FRMPD1: variants seen among roughly 807,000 people sequenced by gnomAD.
The protein encoded by FRMPD1 is FERM and PDZ domain-containing protein 1.
FRMPD1 carries 76 observed loss-of-function variants against 117.8 expected under a neutral mutation model. That is an observed-to-expected ratio of 0.65 (90% confidence interval 0.54 to 0.78). The LOEUF (loss-of-function observed/expected upper bound fraction) is 0.78. FRMPD1 is among the 30% of genes least tolerant of loss of function. The pLI is 0.00. For missense variants in FRMPD1, 1,786 were observed against 1,964.5 expected, an observed-to-expected ratio of 0.91 and a Z score of 1.72; for synonymous variants, 783 against 770.4, an observed-to-expected ratio of 1.02 and a Z score of -0.27.
chr9:37,629,292 T>C, the FRMPD1 span, among the ~76,000 whole-genome samples: 1 of 152,202 alleles, frequency 6.6e-6, no homozygotes, highest in Non-Finnish European at 1.5e-5. Context: ...CTGATGCACA[T>C]TCGAGTTTGA....
At chr9:37,713,114 C>G in intron 5 of FRMPD1, among the ~76,000 whole-genome samples, 1 of 152,066 alleles carries the variant, frequency 6.6e-6, no homozygotes, top group East Asian at 1.9e-4. Context: ...TCTTACGGGA[C>G]TTTCATTTGG....
the FRMPD1 span, among the ~76,000 whole-genome samples, chr9:37,622,201 T>C: frequency 6.6e-6 from 1 of 152,238 alleles, no homozygotes; most frequent in African/African-American, 2.4e-5. Flanking sequence ...CCCTGAGCTC[T>C]GGGCACATGG....
At position 37,746,431 on chromosome 9, in the gene FRMPD1, C is replaced by T. The variant is rs758777782; in HGVS notation, c.4399C>T (p.Gln1467Ter). The T allele has an allele frequency of 2.5e-6, 4 of 1,613,542 alleles. No individual in the cohort carries two copies. Among genetic ancestry groups the T allele is most frequent in the Non-Finnish European group, 1.7e-6 (2 of 1,180,022 alleles). The change falls in exon 16 of 16, where the codon CAG becomes TAG. Residue 1467 changes from glutamine to a stop codon, truncating the protein, a stop_gained. Coordinates refer to ENST00000377765, the MANE Select transcript of FRMPD1 (RefSeq NM_014907.3). LOFTEE classifies it high-confidence loss of function. ...ESRSRLCMGS[Q>*]KLLSSCRHVI... The stretch of plus-strand genomic sequence containing the variant: ...CCGGAGCCGCCTCTGCATGGGCTCC[C>T]AGAAGCTCCTGTCGAGCTGTCGGCA...
intron 4 of FRMPD1, among the ~76,000 whole-genome samples, 187 bp from the exon 5 acceptor site, chr9:37,711,163 G>A (rs1822894737): frequency 6.6e-6 from 1 of 152,016 alleles, no homozygotes; most frequent in Non-Finnish European, 1.5e-5. Context: ...TCCTTTGCAG[G>A]TTGCTGCATT....
rs374743269 is a variant in FRMPD1 at position 37,746,286 on chromosome 9, C to T, written c.4254C>T (p.Thr1418=). 4.3e-6 allele frequency: 7 copies of T among 1,612,656 alleles called. No individual in the cohort carries two copies. The African/African-American group carries it at 9.3e-5, about 22-fold the overall frequency. The part of the protein sequence containing the change: ...LRQLKATPAS[T]PEGFIQLMES... ...AGCTGAAAGCCACCCCTGCCAGCAC[C>T]CCTGAGGGCTTCATCCAACTCATGG... Residue 1418 remains threonine (T), a synonymous_variant, in exon 16 of 16, where the codon ACC becomes ACT. Coordinates refer to ENST00000377765, the MANE Select transcript of FRMPD1 (RefSeq NM_014907.3).
At chr9:37,656,343 C>G (rs1820844073) in intron 1 of FRMPD1, among the ~76,000 whole-genome samples, 1 of 152,174 alleles carries the variant, frequency 6.6e-6, no homozygotes, top group Admixed American at 6.5e-5. Flanking sequence ...GATGCAACCT[C>G]TAAGATGAGT....
chr9:37,638,010 TTCTTTC>T, the FRMPD1 span, among the ~76,000 whole-genome samples: 11 of 124,324 alleles, frequency 8.8e-5, 1 homozygote, highest in African/African-American at 3.2e-4. Context: ...CTTTCTTTCT[TTCTTTC>T]TTTCTTTCTC....
At position 37,709,020 on chromosome 9, in the gene FRMPD1, G is replaced by A. The variant is rs72724132; in HGVS notation, c.362+519G>A. The stretch of plus-strand genomic sequence containing the variant: ...TCATTGTGACTTATGAAAATGCCTC[G>A]CTTTTTACCTAGACAATGATTTCCT... On this transcript the variant is annotated intron_variant, in intron 4 of 15. Coordinates refer to ENST00000377765, the MANE Select transcript of FRMPD1 (RefSeq NM_014907.3). Among the ~76,000 whole-genome samples the A allele has an allele frequency of 9.2e-3, 1,401 of 152,166 alleles. 10 individuals carry two copies. Among genetic ancestry groups the A allele is most frequent in the Non-Finnish European group, 0.015 (1,024 of 67,994 alleles).
intron 5 of FRMPD1, among the ~76,000 whole-genome samples, chr9:37,716,474 A>C (rs1256912106): frequency 6.6e-6 from 1 of 152,166 alleles, no homozygotes; most frequent in East Asian, 1.9e-4. Flanking sequence ...CCTGTCAGGG[A>C]ACCTCCTCTT....
chr9:37,735,286 G>A (rs1188763590), intron 12 of FRMPD1, among the ~76,000 whole-genome samples: 1 of 152,194 alleles, frequency 6.6e-6, no homozygotes, highest in Admixed American at 6.5e-5. Context: ...GATTCAAAGA[G>A]CAGGAAGATA....
At chr9:37,693,170 C>CA (rs1822207826) in intron 2 of FRMPD1, 1 of 160,082 alleles carries the variant, frequency 6.2e-6, no homozygotes, top group Non-Finnish European at 1.4e-5. Context: ...ACATGAAGGT[C>CA]AGGTAATCTG....
intron 12 of FRMPD1, among the ~76,000 whole-genome samples, 189 bp from the exon 13 acceptor site, chr9:37,735,363 T>C (rs1424918456): frequency 6.6e-6 from 1 of 152,210 alleles, no homozygotes; most frequent in Non-Finnish European, 1.5e-5. Flanking sequence ...GAAAGAGTTT[T>C]GGGGAAATAA....
intron 14 of FRMPD1, among the ~76,000 whole-genome samples, chr9:37,737,931 C>T (rs1824211014): frequency 1.3e-5 from 2 of 151,838 alleles, no homozygotes; most frequent in Non-Finnish European, 2.9e-5. Context: ...TACCTATGCA[C>T]TCTTTTGCAA....
At chr9:37,708,848 C>T (rs1822808299) in intron 4 of FRMPD1, among the ~76,000 whole-genome samples, 1 of 152,226 alleles carries the variant, frequency 6.6e-6, no homozygotes, top group Admixed American at 6.5e-5. Context: ...CACGTTGTAA[C>T]ATATGCCAAA....
At chr9:37,639,127 C>T in the FRMPD1 span, among the ~76,000 whole-genome samples, 4 of 152,128 alleles carry the variant, frequency 2.6e-5, no homozygotes, top group African/African-American at 9.7e-5. Context: ...TTTAAAATAA[C>T]CACGGTAAGT....
chr9:37,722,929 C>G (rs1823461815), intron 6 of FRMPD1, among the ~76,000 whole-genome samples: 1 of 152,132 alleles, frequency 6.6e-6, no homozygotes, highest in African/African-American at 2.4e-5. Context: ...GGGAGATTCT[C>G]CAAAACCCTC....
intron 2 of FRMPD1, among the ~76,000 whole-genome samples, chr9:37,696,255 C>G (rs1445436249): frequency 5.9e-5 from 9 of 151,840 alleles, no homozygotes; most frequent in African/African-American, 2.2e-4. Context: ...GGAGTCCATT[C>G]TCTTGCTTGT....
intron 6 of FRMPD1, among the ~76,000 whole-genome samples, chr9:37,720,637 C>T (rs910676995): frequency 2.0e-5 from 3 of 150,082 alleles, no homozygotes; most frequent in East Asian, 2.0e-4. Flanking sequence ...CCACTGCACT[C>T]GAGCCTGGGC....
intron 7 of FRMPD1, among the ~76,000 whole-genome samples, chr9:37,726,335 T>C (rs1386228512): frequency 1.3e-5 from 2 of 152,244 alleles, no homozygotes; most frequent in African/African-American, 2.4e-5. Context: ...ATATGTCATT[T>C]GACCCAGTAA....
Sources: gnomAD v4.1 joint callset for allele counts (sites outside exome capture counted in the v4.1 genomes callset) on GRCh38, gnomAD v4.1.1 for gene constraint, MANE v1.5 for transcripts, NCBI Gene and HGNC (gene_info 2026-07-23, HGNC 2026-07-21) for gene names.